HLCS: variants seen among roughly 807,000 people sequenced by gnomAD.
HLCS encodes the protein biotin--protein ligase.
HLCS carries 53 observed loss-of-function variants against 75.0 expected under a neutral mutation model. The observed-to-expected ratio is 0.71, with a 90% CI of 0.57 to 0.89. The LOEUF is 0.89. Among genes scored for constraint, HLCS ranks in the 40% least tolerant of loss-of-function variants. HLCS has a pLI of 0.00. For synonymous variants in HLCS, 431 were observed against 428.6 expected, an observed-to-expected ratio of 1.01 and a Z score of -0.07; for missense variants, 966 against 1,074.0, an observed-to-expected ratio of 0.90 and a Z score of 1.41.
chr21:36,872,410 C>G (rs1043290079), intron 6 of HLCS, among the ~76,000 whole-genome samples: 3 of 150,774 alleles, frequency 2.0e-5, no homozygotes, highest in African/African-American at 7.4e-5. Context: ...AAAAAAACTT[C>G]AGCTGCATAC....
chr21:36,968,486 T>C (rs949164679), upstream of HLCS: 5 of 151,308 alleles, frequency 3.3e-5, no homozygotes, highest in African/African-American at 9.7e-5. Context: ...AGCATCTCTG[T>C]GGACCAGAAA....
chr21:36,859,983 C>T (rs998468726), intron 6 of HLCS, among the ~76,000 whole-genome samples: 1 of 152,208 alleles, frequency 6.6e-6, no homozygotes, highest in Non-Finnish European at 1.5e-5. Flanking sequence ...TTGCAGGTCG[C>T]ATATTTACTC....
intron 1 of HLCS, among the ~76,000 whole-genome samples, chr21:36,981,953 C>T (rs1472203184): frequency 6.6e-6 from 1 of 152,070 alleles, no homozygotes; most frequent in African/African-American, 2.4e-5. Context: ...GTCTGATGCC[C>T]GGGAAGTGTT....
At chr21:36,907,498 A>T (rs1601701096) in intron 5 of HLCS, among the ~76,000 whole-genome samples, 1 of 152,288 alleles carries the variant, frequency 6.6e-6, no homozygotes, top group South Asian at 2.1e-4. Flanking sequence ...TCTACTAAAA[A>T]TACAAAAATT....
intron 6 of HLCS, among the ~76,000 whole-genome samples, chr21:36,873,157 C>T (rs1255207660): frequency 1.3e-5 from 2 of 151,566 alleles, no homozygotes; most frequent in East Asian, 1.9e-4. Flanking sequence ...CTCGCTCTGT[C>T]GCCAGGCTGG....
At chr21:36,815,843 C>A (rs2061649199) in intron 6 of HLCS, among the ~76,000 whole-genome samples, 1 of 152,104 alleles carries the variant, frequency 6.6e-6, no homozygotes, top group Non-Finnish European at 1.5e-5. Context: ...TTACCGGTTC[C>A]TGGATACCTT....
intron 6 of HLCS, among the ~76,000 whole-genome samples, chr21:36,875,468 TC>T (rs890084222): frequency 2.0e-5 from 3 of 152,194 alleles, no homozygotes; most frequent in African/African-American, 7.2e-5. Flanking sequence ...TGGACACATG[TC>T]GGGACAACCT....
intron 6 of HLCS, among the ~76,000 whole-genome samples, chr21:36,889,844 C>T (rs1209066573): frequency 2.0e-5 from 3 of 152,156 alleles, no homozygotes; most frequent in Non-Finnish European, 4.4e-5. Context: ...AGGTCTCTGG[C>T]GTGAAACAAA....
At chr21:36,794,985 A>G (rs1433003106) in intron 6 of HLCS, among the ~76,000 whole-genome samples, 1 of 152,012 alleles carries the variant, frequency 6.6e-6, no homozygotes, top group South Asian at 2.1e-4. Context: ...ACGGAATCCA[A>G]GCAGAAGTCT....
At chr21:36,850,977 A>G (rs1234396531) in intron 6 of HLCS, among the ~76,000 whole-genome samples, 2 of 152,196 alleles carry the variant, frequency 1.3e-5, no homozygotes, top group Non-Finnish European at 2.9e-5. Context: ...GAGGGGCTGT[A>G]GCCTACGGCC....
chr21:36,845,084 T>A (rs963768602), intron 6 of HLCS, among the ~76,000 whole-genome samples: 7 of 152,306 alleles, frequency 4.6e-5, no homozygotes, highest in Admixed American at 6.5e-5. Context: ...AATTTTTTTT[T>A]AAACCCAGGA....
At chr21:36,930,223 G>C (rs775322124) in intron 5 of HLCS, 28 bp downstream of exon 5, 37 of 1,605,068 alleles carry the variant, frequency 2.3e-5, no homozygotes, top group Non-Finnish European at 3.1e-5. Context: ...GTCACAGCGC[G>C]CTCTGCCCAG....
intron 5 of HLCS, among the ~76,000 whole-genome samples, chr21:36,898,929 C>T (rs746057331): frequency 6.6e-6 from 1 of 151,850 alleles, no homozygotes; most frequent in Non-Finnish European, 1.5e-5. Context: ...GGCATGGTGG[C>T]GTGCAACTGT....
rs55892136 is a variant in HLCS, at chr21:36,828,366, G to GGAATGAATGAAT, written c.1893-61093_1893-61082dup. Among the ~76,000 whole-genome samples the GGAATGAATGAAT allele has an allele frequency of 3.0e-3, 447 of 151,062 alleles. 3 individuals carry two copies. Among genetic ancestry groups the GGAATGAATGAAT allele is most frequent in the African/African-American group, 5.2e-3 (212 of 41,092 alleles). ...TCACTGATGGCATTCAGAAGTGTGTGGAATGAATGAATGAATGAATGAATG... is the reference window on the plus strand; with the variant it reads ...TCACTGATGGCATTCAGAAGTGTGTGGAATGAATGAATGAATGAATGAATGAATGAATGAATG... On this transcript the variant is annotated intron_variant, in intron 6 of 10. Transcript: ENST00000674895.
intron 6 of HLCS, among the ~76,000 whole-genome samples, chr21:36,773,755 A>G (rs768416712): frequency 7.2e-5 from 11 of 152,194 alleles, no homozygotes; most frequent in Non-Finnish European, 1.5e-4. Context: ...TTGAAGGTTC[A>G]TAAGTTATTT....
intron 5 of HLCS, among the ~76,000 whole-genome samples, chr21:36,925,026 G>A (rs539597657): frequency 3.5e-4 from 54 of 152,142 alleles, no homozygotes; most frequent in African/African-American, 1.1e-3. Context: ...GCCTGTACCC[G>A]TTTTTTGATA....
intron 6 of HLCS, among the ~76,000 whole-genome samples, chr21:36,869,652 C>G (rs527872347): frequency 1.3e-5 from 2 of 152,278 alleles, no homozygotes; most frequent in South Asian, 4.1e-4. Context: ...TACTTTTGAT[C>G]ATTCTCATCT....
At chr21:36,756,918 G>A in intron 9 of HLCS, 163 bp from the exon 10 acceptor site, 2 of 985,276 alleles carry the variant, frequency 2.0e-6, no homozygotes, top group Non-Finnish European at 2.4e-6. Flanking sequence ...ATGTATTTCT[G>A]TCCATCTTCC....
At chr21:36,943,686 A>G (rs1034583757) in intron 2 of HLCS, among the ~76,000 whole-genome samples, 35 of 151,986 alleles carry the variant, frequency 2.3e-4, no homozygotes, top group Admixed American at 2.0e-3. Context: ...AGGTGTGTTG[A>G]TGGGCACCTG....
Sources: allele counts gnomAD v4.1 joint callset (sites outside exome capture counted in the v4.1 genomes callset), GRCh38; gene constraint gnomAD v4.1.1; transcripts MANE v1.5; gene names NCBI Gene and HGNC (gene_info 2026-07-23, HGNC 2026-07-21).